Variants in TMPRSS9 observed in about 807,000 individuals in gnomAD.
TMPRSS9 encodes the protein transmembrane protease serine 9.
Under a neutral mutation model 111.4 loss-of-function variants are expected in TMPRSS9, and 113 were observed. The ratio of observed to expected loss-of-function variants is 1.01; its 90% CI spans 0.87 to 1.19. The LOEUF (loss-of-function observed/expected upper bound fraction) is 1.19, where lower values mean the gene tolerates loss of function less well. TMPRSS9 is among the 50% of genes most tolerant of loss of function. TMPRSS9 has a pLI of 0.00. For synonymous variants in TMPRSS9, 805 were observed against 659.1 expected (o/e 1.22, Z -3.39); for missense variants, 1,803 against 1,513.1 (o/e 1.19, Z -3.18).
chr19:2,371,781 CAA>C (rs1970292412), intron 1 of TMPRSS9, among the ~76,000 whole-genome samples: 1 of 151,988 alleles, frequency 6.6e-6, no homozygotes, highest in African/African-American at 2.4e-5. Flanking sequence ...CACCCCAAAG[CAA>C]ACTGACTCAC....
At chr19:2,384,520 G>C (rs574488746) in intron 1 of TMPRSS9, among the ~76,000 whole-genome samples, 249 of 151,666 alleles carry the variant, frequency 1.6e-3, no homozygotes, top group Admixed American at 3.2e-3. Flanking sequence ...AAAGTACAAA[G>C]ATTAGCTGGG....
intron 1 of TMPRSS9, among the ~76,000 whole-genome samples, chr19:2,363,049 G>C (rs1014793970): frequency 6.6e-6 from 1 of 152,184 alleles, no homozygotes; most frequent in Non-Finnish European, 1.5e-5. Flanking sequence ...CCTGACCGTG[G>C]GGTAATTGGG....
chr19:2,362,832 G>A (rs1359065852), intron 1 of TMPRSS9, among the ~76,000 whole-genome samples: 2 of 151,712 alleles, frequency 1.3e-5, no homozygotes, highest in African/African-American at 4.8e-5. Flanking sequence ...GGTGTGTTTT[G>A]TGAGGGTGTG....
chr19:2,384,424 C>G (rs1180221943), intron 1 of TMPRSS9, among the ~76,000 whole-genome samples: 1 of 152,150 alleles, frequency 6.6e-6, no homozygotes, highest in Admixed American at 6.6e-5. Flanking sequence ...GCCTGTAATC[C>G]CAGCACTTTG....
At chr19:2,402,871 G>C (rs937080152) in intron 5 of TMPRSS9, among the ~76,000 whole-genome samples, 2 of 152,140 alleles carry the variant, frequency 1.3e-5, no homozygotes, top group Non-Finnish European at 2.9e-5. Context: ...TAGAGGCTGC[G>C]GTGAGCTGTG....
intron 1 of TMPRSS9, among the ~76,000 whole-genome samples, chr19:2,395,428 A>T (rs1042485990): frequency 6.6e-6 from 1 of 151,250 alleles, no homozygotes; most frequent in African/African-American, 2.4e-5. Context: ...GTGAGACCCT[A>T]TCTCAAAACA....
chr19:2,392,856 C>T (rs908593002), intron 1 of TMPRSS9, among the ~76,000 whole-genome samples: 1 of 152,020 alleles, frequency 6.6e-6, no homozygotes, highest in Admixed American at 6.6e-5. Flanking sequence ...AATGAGCACC[C>T]TGTGTCTAGC....
exon 12 of TMPRSS9, chr19:2,416,592 G>A: frequency 6.2e-7 from 1 of 1,612,262 alleles, no homozygotes; most frequent in Non-Finnish European, 8.5e-7. Flanking sequence ...TCCTGGGCCT[G>A]GGCGGGAGCC....
At chr19:2,420,062 C>G (rs1599316324) in intron 13 of TMPRSS9, among the ~76,000 whole-genome samples, 1 of 152,214 alleles carries the variant, frequency 6.6e-6, no homozygotes, top group South Asian at 2.1e-4. Context: ...CCTTGGGCAG[C>G]TGAACTGGGA....
intron 1 of TMPRSS9, among the ~76,000 whole-genome samples, chr19:2,379,421 G>C (rs750248504): frequency 6.6e-6 from 1 of 151,790 alleles, no homozygotes; most frequent in Non-Finnish European, 1.5e-5. Context: ...TCCTGACCTC[G>C]TGTTCTGCCC....
At chr19:2,425,671 C>A in intron 17 of TMPRSS9, 178 bp downstream of exon 18, 1 of 1,275,206 alleles carries the variant, frequency 7.8e-7, no homozygotes, top group Non-Finnish European at 1.0e-6. Context: ...GTTTATTGGG[C>A]AACCCACCGC....
upstream of TMPRSS9, among the ~76,000 whole-genome samples, chr19:2,389,111 G>GT (rs1970532725): frequency 7.0e-6 from 1 of 142,418 alleles, no homozygotes; most frequent in Non-Finnish European, 1.5e-5. Flanking sequence ...GTCTTGCTCT[G>GT]TCGCCAGGCT....
chr19:2,401,026 G>A (rs1249942503), intron 4 of TMPRSS9, among the ~76,000 whole-genome samples: 3 of 150,770 alleles, frequency 2.0e-5, no homozygotes, highest in Admixed American at 6.6e-5. Flanking sequence ...TGTAATCCCA[G>A]CACTTTAGGA....
intron 12 of TMPRSS9, among the ~76,000 whole-genome samples, chr19:2,417,038 G>C (rs1971256078): frequency 1.3e-5 from 2 of 152,134 alleles, no homozygotes; most frequent in Admixed American, 1.3e-4. Context: ...AAGTTTTATT[G>C]GAACAGGGGC....
intron 13 of TMPRSS9, 126 bp from the exon 15 acceptor site, chr19:2,421,728 C>T (rs553207573): frequency 4.5e-5 from 46 of 1,029,644 alleles, no homozygotes; most frequent in African/African-American, 2.7e-4. Context: ...TCTCCAGACC[C>T]GCGCTGTGCC....
chr19:2,361,200 G>A (rs1970193737), intron 1 of TMPRSS9, among the ~76,000 whole-genome samples: 1 of 68,136 alleles, frequency 1.5e-5, no homozygotes, highest in Non-Finnish European at 3.0e-5. Flanking sequence ...GGGAGGCTGG[G>A]GTGGGAGGTG....
intron 1 of TMPRSS9, among the ~76,000 whole-genome samples, chr19:2,378,433 C>T (rs1384697107): frequency 6.6e-6 from 1 of 152,086 alleles, no homozygotes; most frequent in African/African-American, 2.4e-5. Context: ...TGAAAGCATA[C>T]CCAAGGCTGG....
chr19:2,395,147 G>T (rs945428168), intron 1 of TMPRSS9, among the ~76,000 whole-genome samples: 3 of 152,170 alleles, frequency 2.0e-5, no homozygotes, highest in Admixed American at 6.6e-5. Flanking sequence ...GCTGGGTGCA[G>T]TGGCTCACGC....
chr19:2,384,287 A>G (rs1335384804), intron 1 of TMPRSS9, among the ~76,000 whole-genome samples: 1 of 152,204 alleles, frequency 6.6e-6, no homozygotes, highest in Non-Finnish European at 1.5e-5. Flanking sequence ...TGTGGAGGTG[A>G]TCCCCCACCC....
Sources: allele counts gnomAD v4.1 joint callset (sites outside exome capture counted in the v4.1 genomes callset), GRCh38; gene constraint gnomAD v4.1.1; transcripts MANE v1.5; gene names NCBI Gene and HGNC (gene_info 2026-07-23, HGNC 2026-07-21).